Variants in PTPRG observed in about 807,000 individuals in gnomAD.
PTPRG encodes receptor-type tyrosine-protein phosphatase gamma.
A neutral mutation model predicts 165.3 loss-of-function variants in PTPRG; 102 were observed. The observed-to-expected ratio is 0.62, with a 90% CI of 0.53 to 0.73. PTPRG has a LOEUF of 0.73. Ranked by LOEUF, PTPRG falls within the 30% of genes least tolerant of loss-of-function variation. The pLI is 0.00. For missense variants in PTPRG, 1,866 were observed against 1,861.4 expected (o/e 1.00, Z -0.05); for synonymous variants, 675 against 669.5 (o/e 1.01, Z -0.13).
chr3:61,864,274 C>T (rs1451712152), intron 2 of PTPRG, among the ~76,000 whole-genome samples: 1 of 152,018 alleles, frequency 6.6e-6, no homozygotes, highest in African/African-American at 2.4e-5. Context: ...CCTTATTTAC[C>T]CAGGATTTCT....
chr3:61,934,680 T>A (rs1396282803), intron 2 of PTPRG, among the ~76,000 whole-genome samples: 1 of 152,122 alleles, frequency 6.6e-6, no homozygotes, highest in Non-Finnish European at 1.5e-5. Context: ...TTTAAGAGTG[T>A]GTGCTGCTCC....
chr3:62,232,481 G>T (rs1421457675), intron 14 of PTPRG, among the ~76,000 whole-genome samples: 1 of 152,196 alleles, frequency 6.6e-6, no homozygotes, highest in Non-Finnish European at 1.5e-5. Context: ...AGAGGAAGAC[G>T]TTGGACATCA....
At chr3:61,777,237 T>C (rs1000820960) in intron 2 of PTPRG, among the ~76,000 whole-genome samples, 2 of 152,240 alleles carry the variant, frequency 1.3e-5, no homozygotes, top group African/African-American at 4.8e-5. Context: ...TGCTGTGCTG[T>C]CTAACACAGC....
At chr3:62,065,622 A>G (rs768934918) in intron 4 of PTPRG, among the ~76,000 whole-genome samples, 1 of 152,170 alleles carries the variant, frequency 6.6e-6, no homozygotes, top group Non-Finnish European at 1.5e-5. Context: ...GAGCAATGCA[A>G]CGTATTTTCT....
chr3:62,099,698 C>T (rs1046444285), intron 5 of PTPRG, among the ~76,000 whole-genome samples: 3 of 151,212 alleles, frequency 2.0e-5, no homozygotes, highest in Non-Finnish European at 4.4e-5. Flanking sequence ...ATAGCAAACA[C>T]GTATATGGTT....
intron 1 of PTPRG, among the ~76,000 whole-genome samples, chr3:61,675,184 A>G (rs184070397): frequency 6.6e-6 from 1 of 152,312 alleles, no homozygotes; most frequent in East Asian, 1.9e-4. Flanking sequence ...TATGCAAATG[A>G]TATTTCCATA....
intron 5 of PTPRG, among the ~76,000 whole-genome samples, chr3:62,123,971 A>G (rs1703181801): frequency 6.6e-6 from 1 of 152,182 alleles, no homozygotes; most frequent in Non-Finnish European, 1.5e-5. Flanking sequence ...CCAACTGCAG[A>G]AAGGGCATTT....
At chr3:61,704,728 C>CA (rs1255831591) in intron 1 of PTPRG, among the ~76,000 whole-genome samples, 1 of 152,146 alleles carries the variant, frequency 6.6e-6, no homozygotes, top group Non-Finnish European at 1.5e-5. Flanking sequence ...CTGATGGAAA[C>CA]AAAAATAGAA....
chr3:61,598,711 T>C (rs1239127477), intron 1 of PTPRG, among the ~76,000 whole-genome samples: 1 of 152,168 alleles, frequency 6.6e-6, no homozygotes, highest in East Asian at 1.9e-4. Context: ...AATGGCAATG[T>C]ATTGTTTCAT....
intron 2 of PTPRG, among the ~76,000 whole-genome samples, chr3:61,790,324 A>G (rs945208194): frequency 2.0e-5 from 3 of 152,232 alleles, no homozygotes; most frequent in Non-Finnish European, 2.9e-5. Context: ...TTAAGCACAG[A>G]GTACTTCGGG....
At chr3:61,578,202 C>G (rs563027699) in intron 1 of PTPRG, among the ~76,000 whole-genome samples, 5 of 152,252 alleles carry the variant, frequency 3.3e-5, no homozygotes, top group East Asian at 3.9e-4. Flanking sequence ...CTAGAAAATC[C>G]AGGAACAACA....
At chr3:62,126,936 A>T (rs1280976108) in intron 5 of PTPRG, among the ~76,000 whole-genome samples, 1 of 152,206 alleles carries the variant, frequency 6.6e-6, no homozygotes, top group African/African-American at 2.4e-5. Context: ...GACACTAGAA[A>T]ATGATGTTGG....
intron 1 of PTPRG, among the ~76,000 whole-genome samples, chr3:61,634,739 C>T (rs1426048380): frequency 2.0e-5 from 3 of 152,066 alleles, no homozygotes; most frequent in South Asian, 2.1e-4. Flanking sequence ...CAGAGTTAAC[C>T]GAGAAGAATG....
intron 2 of PTPRG, among the ~76,000 whole-genome samples, chr3:61,847,617 C>T (rs2036842883): frequency 6.6e-6 from 1 of 152,196 alleles, no homozygotes; most frequent in African/African-American, 2.4e-5. Flanking sequence ...TAATAGACCT[C>T]CCTCCTTCGG....
At chr3:61,793,209 G>A (rs573282822) in intron 2 of PTPRG, among the ~76,000 whole-genome samples, 3 of 152,210 alleles carry the variant, frequency 2.0e-5, no homozygotes, top group African/African-American at 7.2e-5. Context: ...GTCTGTCACC[G>A]TGACCAGAAT....
intron 2 of PTPRG, among the ~76,000 whole-genome samples, chr3:61,881,119 A>C (rs892937179): frequency 2.0e-5 from 3 of 152,062 alleles, no homozygotes. Flanking sequence ...AAGCACATCA[A>C]ATTTAACATC....
rs369366786 is a variant in PTPRG at position 61,982,538 on chromosome 3, A to G, written c.191-7087A>G. On this transcript the variant is annotated intron_variant, in intron 2 of 29. Transcript: ENST00000474889. ...CAGTGTGTGGATGGCATGCATATTCATGGTTTGCACTCTAATAATGTCATA... is the reference window on the plus strand; with the variant it reads ...CAGTGTGTGGATGGCATGCATATTCGTGGTTTGCACTCTAATAATGTCATA... Among the ~76,000 whole-genome samples, 9 of 152,294 alleles carry G rather than the reference A, an allele frequency of 5.9e-5. No individual in the cohort carries two copies. The East Asian group carries it at 1.2e-3, about 20-fold the overall frequency.
At chr3:61,784,383 C>T (rs1236305115) in intron 2 of PTPRG, among the ~76,000 whole-genome samples, 1 of 152,158 alleles carries the variant, frequency 6.6e-6, no homozygotes, top group Admixed American at 6.5e-5. Context: ...TTAATGCACA[C>T]CATAATATGT....
In PTPRG at chr3:61,931,066, C is replaced by A. The variant is rs142102082; in HGVS notation, c.191-58559C>A. 8.5e-4 allele frequency among the ~76,000 whole-genome samples: 129 copies of A among 152,262 alleles called. 1 individual carries two copies. Among genetic ancestry groups the A allele is most frequent in the Admixed American group, 1.4e-3 (22 of 15,294 alleles). Reference sequence around the variant, plus strand: ...ACAGAGTGCAGCGCCTAATTCATTGCTTAGAAGGGCCCAAAGCTCCTTCCT... The same window carrying A: ...ACAGAGTGCAGCGCCTAATTCATTGATTAGAAGGGCCCAAAGCTCCTTCCT... On this transcript the variant is annotated intron_variant, in intron 2 of 29. Transcript: ENST00000474889.
Sources: gnomAD v4.1 joint callset for allele counts (sites outside exome capture counted in the v4.1 genomes callset) on GRCh38, gnomAD v4.1.1 for gene constraint, MANE v1.5 for transcripts, NCBI Gene and HGNC (gene_info 2026-07-23, HGNC 2026-07-21) for gene names.